The following TCF12 variants were observed in gnomAD, a reference collection of about 807,000 sequenced individuals.
The protein encoded by TCF12 is DNA-binding protein HTF4.
TCF12 carries 45 observed loss-of-function variants against 86.0 expected under a neutral mutation model. The observed-to-expected ratio is 0.52, with a 90% confidence interval of 0.41 to 0.67. TCF12 has a LOEUF of 0.67. Ranked by LOEUF, TCF12 falls within the 30% of genes least tolerant of loss-of-function variation. The pLI, the probability that TCF12 is intolerant of heterozygous loss-of-function variation, is 0.00. For synonymous variants in TCF12, 330 were observed against 299.6 expected, an observed-to-expected ratio of 1.10 and a Z score of -1.05; for missense variants, 881 against 859.9, an observed-to-expected ratio of 1.02 and a Z score of -0.31.
chr15:57,156,107 A>G (rs1033018512), intron 5 of TCF12, among the ~76,000 whole-genome samples: 1 of 152,232 alleles, frequency 6.6e-6, no homozygotes, highest in Non-Finnish European at 1.5e-5. Flanking sequence ...TAAATGTCTC[A>G]AAATGTATTA....
chr15:56,949,590 A>C (rs1224263415), intron 3 of TCF12, among the ~76,000 whole-genome samples: 1 of 152,224 alleles, frequency 6.6e-6, no homozygotes, highest in Non-Finnish European at 1.5e-5. Context: ...CCGGCTTTTG[A>C]AAAACTTGTT....
At chr15:57,249,407 T>C (rs1413033352) in intron 13 of TCF12, among the ~76,000 whole-genome samples, 4 of 92,888 alleles carry the variant, frequency 4.3e-5, no homozygotes, top group African/African-American at 1.4e-4. Flanking sequence ...TATAATTTGC[T>C]CATAAGTAAA....
At chr15:57,018,126 G>A (rs904149989) in intron 3 of TCF12, among the ~76,000 whole-genome samples, 2 of 152,176 alleles carry the variant, frequency 1.3e-5, no homozygotes, top group East Asian at 1.9e-4. Flanking sequence ...AGTAGAGAGC[G>A]TATTGGGGCC....
intron 5 of TCF12, among the ~76,000 whole-genome samples, chr15:57,128,356 G>A (rs1052606457): frequency 1.1e-4 from 16 of 152,110 alleles, no homozygotes; most frequent in Non-Finnish European, 1.9e-4. Context: ...GTCCCATTTC[G>A]TTAAGAACCT....
At chr15:57,075,556 A>G (rs1375130242) in intron 4 of TCF12, among the ~76,000 whole-genome samples, 1 of 152,150 alleles carries the variant, frequency 6.6e-6, no homozygotes, top group Non-Finnish European at 1.5e-5. Context: ...AAAAGCTATG[A>G]TAAGGATGGC....
intron 3 of TCF12, among the ~76,000 whole-genome samples, chr15:56,985,127 T>C (rs768860188): frequency 3.3e-5 from 5 of 152,200 alleles, no homozygotes; most frequent in Non-Finnish European, 7.3e-5. Flanking sequence ...CAAACATTAT[T>C]TCATGAGAAG....
intron 5 of TCF12, among the ~76,000 whole-genome samples, chr15:57,164,513 T>C (rs1265549463): frequency 1.3e-5 from 2 of 152,044 alleles, no homozygotes; most frequent in African/African-American, 4.8e-5. Flanking sequence ...GAACTCACTA[T>C]CATAAGAACA....
chr15:57,048,407 A>G (rs551694906), intron 3 of TCF12, among the ~76,000 whole-genome samples: 8 of 151,830 alleles, frequency 5.3e-5, no homozygotes, highest in South Asian at 4.2e-4. Flanking sequence ...GACTACAGGC[A>G]CCCGCCACCA....
At chr15:57,212,095 T>C (rs927486655) in intron 8 of TCF12, among the ~76,000 whole-genome samples, 3 of 152,054 alleles carry the variant, frequency 2.0e-5, no homozygotes, top group Admixed American at 6.6e-5. Context: ...AGATTCAAAA[T>C]ACATCAGAAA....
chr15:56,955,490 A>G (rs1223327409), intron 3 of TCF12, among the ~76,000 whole-genome samples: 1 of 152,180 alleles, frequency 6.6e-6, no homozygotes, highest in Non-Finnish European at 1.5e-5. Flanking sequence ...AACATGACAC[A>G]TGTATACCTA....
intron 6 of TCF12, among the ~76,000 whole-genome samples, chr15:57,181,453 A>G (rs1053274864): frequency 1.3e-5 from 2 of 151,862 alleles, no homozygotes; most frequent in Non-Finnish European, 2.9e-5. Flanking sequence ...ATCGCCTCCT[A>G]GCTTACTGAG....
At chr15:57,004,225 ATTTC>A (rs1293754319) in intron 3 of TCF12, among the ~76,000 whole-genome samples, 9 of 146,410 alleles carry the variant, frequency 6.1e-5, no homozygotes, top group Non-Finnish European at 8.9e-5. Flanking sequence ...ACATTTGTTC[ATTTC>A]TTTCTTTCTT....
chr15:57,261,039 C>T (rs1275320334), intron 16 of TCF12, among the ~76,000 whole-genome samples: 8 of 152,148 alleles, frequency 5.3e-5, no homozygotes, highest in African/African-American at 1.9e-4. Flanking sequence ...CCCTTCCCAG[C>T]TTTAAGGTTT....
intron 8 of TCF12, among the ~76,000 whole-genome samples, chr15:57,228,593 G>A (rs781486507): frequency 6.6e-6 from 1 of 151,844 alleles, no homozygotes. Flanking sequence ...TGCTTTGTGT[G>A]GTTTATCTTA....
At chr15:57,016,667 A>G (rs1047796955) in intron 3 of TCF12, among the ~76,000 whole-genome samples, 10 of 152,092 alleles carry the variant, frequency 6.6e-5, no homozygotes, top group Non-Finnish European at 1.3e-4. Flanking sequence ...CAAAGGGTAC[A>G]TATTGTTAGA....
At chr15:57,273,632 C>G (rs1597822030) in intron 19 of TCF12, among the ~76,000 whole-genome samples, 2 of 152,138 alleles carry the variant, frequency 1.3e-5, no homozygotes, top group African/African-American at 4.8e-5. Flanking sequence ...TCCTACTTCT[C>G]TGTATTCATT....
intron 6 of TCF12, among the ~76,000 whole-genome samples, chr15:57,166,970 T>C (rs2054941865): frequency 6.6e-6 from 1 of 152,222 alleles, no homozygotes; most frequent in Non-Finnish European, 1.5e-5. Flanking sequence ...ATGGGCATCT[T>C]TTCTGCCTTT....
In TCF12 at chr15:57,203,206, C is replaced by G. The variant is rs1004176701; in HGVS notation, c.579+5381C>G. Among the ~76,000 whole-genome samples the G allele has an allele frequency of 2.0e-5, 3 of 152,112 alleles. No individual in the cohort carries two copies. In the East Asian group the frequency reaches 5.8e-4, roughly 29 times the overall value. ...AACTTGTTGAATCAAATCCGGCTGCCCCTAGAATTCATTCTAATTATTTTT... is the reference window on the plus strand; with the variant it reads ...AACTTGTTGAATCAAATCCGGCTGCGCCTAGAATTCATTCTAATTATTTTT... On this transcript the variant is annotated intron_variant, in intron 8 of 20. Coordinates refer to ENST00000333725, the MANE Select transcript of TCF12 (RefSeq NM_207037.2).
chr15:57,182,200 A>C (rs971516024), intron 6 of TCF12, among the ~76,000 whole-genome samples: 1 of 152,162 alleles, frequency 6.6e-6, no homozygotes, highest in African/African-American at 2.4e-5. Flanking sequence ...AGACAGAAAA[A>C]TCAATAATAT....
Sources: allele counts gnomAD v4.1 joint callset (sites outside exome capture counted in the v4.1 genomes callset), GRCh38; gene constraint gnomAD v4.1.1; transcripts MANE v1.5; gene names NCBI Gene and HGNC (gene_info 2026-07-23, HGNC 2026-07-21).